Variants in ADGRB3 observed in about 807,000 individuals in gnomAD.
The protein encoded by ADGRB3 is brain-specific angiogenesis inhibitor 3.
Under a neutral mutation model 193.4 loss-of-function variants are expected in ADGRB3, and 37 were observed. The ratio of observed to expected loss-of-function variants is 0.19; its 90% CI spans 0.15 to 0.25. The LOEUF (loss-of-function observed/expected upper bound fraction) is 0.25, where lower values mean the gene tolerates loss of function less well. Among genes scored for constraint, ADGRB3 ranks in the 10% least tolerant of loss-of-function variants. ADGRB3 has a pLI of 1.00. For missense variants in ADGRB3, 1,637 were observed against 1,852.9 expected, an observed-to-expected ratio of 0.88 and a Z score of 2.14; for synonymous variants, 690 against 644.2, an observed-to-expected ratio of 1.07 and a Z score of -1.08.
At chr6:69,224,413 T>C (rs1464226981) in intron 17 of ADGRB3, among the ~76,000 whole-genome samples, 1 of 152,180 alleles carries the variant, frequency 6.6e-6, no homozygotes, top group Non-Finnish European at 1.5e-5. Flanking sequence ...TGTTGCAAAT[T>C]ATATTAGGCG....
intron 8 of ADGRB3, among the ~76,000 whole-genome samples, chr6:68,960,489 G>A (rs1013754186): frequency 1.4e-4 from 21 of 152,062 alleles, no homozygotes; most frequent in African/African-American, 1.9e-4. Context: ...ATAATATAGC[G>A]AATGTGATCC....
intron 20 of ADGRB3, among the ~76,000 whole-genome samples, chr6:69,263,685 T>G (rs907489172): frequency 2.0e-5 from 3 of 151,962 alleles, no homozygotes; most frequent in Non-Finnish European, 2.9e-5. Flanking sequence ...TTGGATTAAT[T>G]TGGGGAGGCT....
rs1450609182 is a variant in ADGRB3 at position 69,347,035 on chromosome 6, G to C, written c.3460-7198G>C. ...ATGGAATACTACGCAGCCATAAAAAGGATGGTTTCATTTCCTTTGCAGGGA... is the reference window on the plus strand; with the variant it reads ...ATGGAATACTACGCAGCCATAAAAACGATGGTTTCATTTCCTTTGCAGGGA... On this transcript the variant is annotated intron_variant, in intron 26 of 31. Coordinates refer to ENST00000370598, the MANE Select transcript of ADGRB3 (RefSeq NM_001704.3). 3.9e-5 allele frequency among the ~76,000 whole-genome samples: 6 copies of C among 152,126 alleles called. No homozygotes were observed. The South Asian group carries it at 1.2e-3, about 32-fold the overall frequency.
intron 3 of ADGRB3, among the ~76,000 whole-genome samples, chr6:68,880,754 T>G (rs1384452361): frequency 7.5e-6 from 1 of 134,116 alleles, no homozygotes; most frequent in Non-Finnish European, 1.6e-5. Context: ...CCAACAGAGC[T>G]ATTGTCCCCC....
At chr6:68,768,383 C>G (rs1464615182) in intron 3 of ADGRB3, among the ~76,000 whole-genome samples, 1 of 152,018 alleles carries the variant, frequency 6.6e-6, no homozygotes, top group African/African-American at 2.4e-5. Flanking sequence ...CAGAAAAACA[C>G]CACACACCTA....
intron 20 of ADGRB3, among the ~76,000 whole-genome samples, chr6:69,241,823 GT>G (rs1265092333): frequency 3.9e-4 from 60 of 151,962 alleles, no homozygotes; most frequent in African/African-American, 1.4e-3. Context: ...TGCTACTATA[GT>G]TATTGATGCA....
intron 3 of ADGRB3, among the ~76,000 whole-genome samples, chr6:68,751,231 G>A (rs73467839): frequency 0.032 from 4,922 of 152,080 alleles, 144 homozygotes; most frequent in African/African-American, 0.073. Context: ...ACTCCTCACT[G>A]GGTTCCTCAC....
At position 68,747,403 on chromosome 6, in the gene ADGRB3, GTT is replaced by G. The variant is rs376293930; in HGVS notation, c.757+107973_757+107974del. ...ATATAGCATTCATATTTGTGGCAGA[GTT>G]TGTGCTAATGGATCAATTGATAAAG... On this transcript the variant is annotated intron_variant, in intron 3 of 31. Transcript: ENST00000370598. Among the ~76,000 whole-genome samples, 111 of 152,310 alleles carry G rather than the reference GTT, an allele frequency of 7.3e-4. No individual in the cohort carries two copies. In the East Asian group the frequency reaches 0.019, roughly 26 times the overall value.
At chr6:69,383,042 GA>G (rs967629862) in intron 31 of ADGRB3, 107 bp downstream of exon 31, 153 of 592,942 alleles carry the variant, frequency 2.6e-4, no homozygotes, top group South Asian at 3.9e-4. Flanking sequence ...AGTCTACATA[GA>G]AAAAAAAAGT....
intron 17 of ADGRB3, among the ~76,000 whole-genome samples, chr6:69,102,703 G>T (rs990765212): frequency 6.6e-6 from 1 of 152,222 alleles, no homozygotes; most frequent in South Asian, 2.1e-4. Context: ...ATACTGATTT[G>T]TTGGTAGAAA....
At chr6:68,915,522 T>A (rs990249003) in intron 3 of ADGRB3, among the ~76,000 whole-genome samples, 2 of 152,216 alleles carry the variant, frequency 1.3e-5, no homozygotes, top group East Asian at 3.8e-4. Flanking sequence ...CGCTGGATGA[T>A]CTTAATTATT....
At chr6:68,860,840 T>C (rs897291923) in intron 3 of ADGRB3, among the ~76,000 whole-genome samples, 2 of 151,806 alleles carry the variant, frequency 1.3e-5, no homozygotes, top group Non-Finnish European at 2.9e-5. Flanking sequence ...GAACTTGTAC[T>C]GATATATAGC....
At position 69,207,095 on chromosome 6, in the gene ADGRB3, T is replaced by C. The variant is rs573682927; in HGVS notation, c.2481-26195T>C. On this transcript the variant is annotated intron_variant, in intron 17 of 31. Coordinates refer to ENST00000370598, the MANE Select transcript of ADGRB3 (RefSeq NM_001704.3). ...GCCAGCCAACACTGTTACTCCCTTC[T>C]AAGCCTGTTGACTTAAAGGTAGGAG... 5.9e-5 allele frequency among the ~76,000 whole-genome samples: 9 copies of C among 152,340 alleles called. No individual in the cohort carries two copies. In the South Asian group the frequency reaches 1.9e-3, roughly 32 times the overall value.
At chr6:68,861,545 G>A (rs1237336998) in intron 3 of ADGRB3, among the ~76,000 whole-genome samples, 6 of 152,074 alleles carry the variant, frequency 3.9e-5, no homozygotes, top group African/African-American at 7.2e-5. Context: ...CTGGGCAACA[G>A]AGCGAGACTC....
At chr6:69,091,852 A>G (rs1269718055) in intron 17 of ADGRB3, among the ~76,000 whole-genome samples, 1 of 152,206 alleles carries the variant, frequency 6.6e-6, no homozygotes, top group Non-Finnish European at 1.5e-5. Context: ...TTAAATAAAA[A>G]TCATGTTAAA....
chr6:69,330,472 A>C (rs779027502), intron 22 of ADGRB3, 34 bp from the exon 23 acceptor site: 2 of 1,565,970 alleles, frequency 1.3e-6, no homozygotes, highest in Admixed American at 3.5e-5. Flanking sequence ...CTTGTCACTA[A>C]TTTTTGTTAG....
chr6:68,957,060 A>C (rs1189854319), intron 8 of ADGRB3, among the ~76,000 whole-genome samples: 1 of 152,172 alleles, frequency 6.6e-6, no homozygotes, highest in Non-Finnish European at 1.5e-5. Flanking sequence ...TGGAAATGTA[A>C]AGACATAAGA....
rs751218392 is a variant in ADGRB3 at position 69,361,370 on chromosome 6, A to G, written c.4097A>G (p.His1366Arg). 12 of 1,613,050 alleles carry G rather than the reference A, an allele frequency of 7.4e-6. No homozygotes were observed. Among genetic ancestry groups the G allele is most frequent in the Non-Finnish European group, 1.0e-5 (12 of 1,179,240 alleles). ...CAGTTCAATATGAACTTAGAGCAACATCTCGCACCCCAGGAACATATGCAG... is the reference window on the plus strand; with the variant it reads ...CAGTTCAATATGAACTTAGAGCAACGTCTCGCACCCCAGGAACATATGCAG... ...MDQFNMNLEQ[H>R]LAPQEHMQNL... The change falls in exon 29 of 32, where the codon CAT (histidine) becomes CGT (arginine). Residue 1366 changes from histidine (H) to arginine (R), a missense_variant. By Grantham distance (29) the His-to-Arg change is conservative. This residue lies in a region of ADGRB3 where 368 missense variants were observed against 367.4 expected (regional missense o/e 1.00). Transcript: ENST00000370598.
intron 3 of ADGRB3, among the ~76,000 whole-genome samples, chr6:68,733,786 A>G (rs975927515): frequency 6.6e-6 from 1 of 151,996 alleles, no homozygotes; most frequent in African/African-American, 2.4e-5. Context: ...ATATTTTACA[A>G]TAACTTAAAG....
Sources: gnomAD v4.1 joint callset for allele counts (sites outside exome capture counted in the v4.1 genomes callset) on GRCh38, gnomAD v4.1.1 for gene constraint, gnomAD v4.1.1 regional missense constraint, MANE v1.5 for transcripts, NCBI Gene and HGNC (gene_info 2026-07-23, HGNC 2026-07-21) for gene names.